Variants in CLEC16A observed in about 807,000 individuals in gnomAD.
CLEC16A encodes the protein protein CLEC16A.
CLEC16A carries 51 observed loss-of-function variants against 109.5 expected under a neutral mutation model. The observed-to-expected ratio is 0.47, with a 90% CI of 0.37 to 0.59. The LOEUF (loss-of-function observed/expected upper bound fraction) is 0.59, where lower values mean the gene tolerates loss of function less well. CLEC16A is among the 20% of genes least tolerant of loss of function. The pLI is 0.00. For synonymous variants in CLEC16A, 673 were observed against 564.2 expected, an observed-to-expected ratio of 1.19 and a Z score of -2.73; for missense variants, 1,339 against 1,394.0, an observed-to-expected ratio of 0.96 and a Z score of 0.63.
At chr16:10,970,336 C>G (rs2042719272) in intron 4 of CLEC16A, among the ~76,000 whole-genome samples, 2 of 152,236 alleles carry the variant, frequency 1.3e-5, no homozygotes, top group Admixed American at 1.3e-4. Flanking sequence ...TCTCACCAGC[C>G]TTCCCCTCAT....
At chr16:10,971,341 G>A in intron 5 of CLEC16A, 111 bp downstream of exon 5, 1 of 864,568 alleles carries the variant, frequency 1.2e-6, no homozygotes, top group Admixed American at 2.7e-5. Flanking sequence ...GCACATTGAT[G>A]ATGAGCCGTG....
intron 10 of CLEC16A, among the ~76,000 whole-genome samples, chr16:10,987,349 C>T (rs1216250540): frequency 6.6e-6 from 1 of 152,118 alleles, no homozygotes; most frequent in African/African-American, 2.4e-5. Context: ...AAGCAAACTG[C>T]GGGTTACTGG....
intron 22 of CLEC16A, among the ~76,000 whole-genome samples, chr16:11,139,962 A>T (rs2053746233): frequency 6.6e-6 from 1 of 152,248 alleles, no homozygotes; most frequent in African/African-American, 2.4e-5. Flanking sequence ...GTATAAAGTT[A>T]TTAGTCCTAC....
intron 10 of CLEC16A, among the ~76,000 whole-genome samples, chr16:10,988,453 A>G (rs1168858082): frequency 6.6e-6 from 1 of 152,142 alleles, no homozygotes; most frequent in Non-Finnish European, 1.5e-5. Flanking sequence ...CACCTGTGCC[A>G]TCATGGGGCT....
intron 7 of CLEC16A, among the ~76,000 whole-genome samples, chr16:10,974,903 AGAGAAT>A (rs1271797731): frequency 6.6e-6 from 1 of 152,266 alleles, no homozygotes; most frequent in Non-Finnish European, 1.5e-5. Context: ...GAAGGGGCAG[AGAGAAT>A]GGAAGAGTTC....
intron 3 of CLEC16A, among the ~76,000 whole-genome samples, chr16:10,968,444 G>A (rs1434055313): frequency 1.3e-5 from 2 of 152,224 alleles, no homozygotes; most frequent in Non-Finnish European, 2.9e-5. Flanking sequence ...TTGCTCTTCA[G>A]TTGACCCCAG....
In CLEC16A at chr16:11,169,280, G is replaced by GT. The variant is rs574141916; in HGVS notation, c.2806+2734dup. On this transcript the variant is annotated intron_variant, in intron 23 of 23. Transcript: ENST00000409790. Reference sequence around the variant, plus strand: ...CCAGTGGCTTCTTTGCCATTGATTTGTTTTTTGTTTTGTTTTGTTTTTTTG... The same window carrying GT: ...CCAGTGGCTTCTTTGCCATTGATTTGTTTTTTTGTTTTGTTTTGTTTTTTTG... 1.8e-4 allele frequency among the ~76,000 whole-genome samples: 28 copies of GT among 152,060 alleles called. 1 individual carries two copies. The South Asian group carries it at 5.2e-3, about 28-fold the overall frequency.
At chr16:11,166,340 A>T in intron 22 of CLEC16A, 48 bp from the exon 23 acceptor site, 1 of 1,539,646 alleles carries the variant, frequency 6.5e-7, no homozygotes, top group Non-Finnish European at 8.8e-7. Flanking sequence ...TGAGGCCCTC[A>T]GGCCTACTCT....
chr16:11,029,304 A>C (rs1003081822), intron 13 of CLEC16A, among the ~76,000 whole-genome samples: 4 of 152,140 alleles, frequency 2.6e-5, no homozygotes, highest in African/African-American at 9.7e-5. Flanking sequence ...CACAGGCTTC[A>C]TTCTGGCAGG....
intron 11 of CLEC16A, among the ~76,000 whole-genome samples, chr16:11,004,409 G>A (rs1038305678): frequency 2.0e-5 from 3 of 152,156 alleles, no homozygotes; most frequent in Non-Finnish European, 4.4e-5. Flanking sequence ...ACACTTTCTG[G>A]AATGAACTTG....
At chr16:10,966,727 C>T (rs1033804969) in intron 3 of CLEC16A, among the ~76,000 whole-genome samples, 1 of 152,194 alleles carries the variant, frequency 6.6e-6, no homozygotes, top group Non-Finnish European at 1.5e-5. Flanking sequence ...GGGGGAAGCC[C>T]CTTACAAAAC....
chr16:11,099,004 A>G (rs2050757624), intron 19 of CLEC16A, among the ~76,000 whole-genome samples: 1 of 152,240 alleles, frequency 6.6e-6, no homozygotes, highest in Non-Finnish European at 1.5e-5. Context: ...TTGCTCTGTG[A>G]CACGGAGAGA....
In CLEC16A at chr16:11,178,429, C is replaced by T. The variant is rs201142332; in HGVS notation, c.2901C>T (p.Asn967=). ...AAGCAGACTCTAAGCCCAGCAAGAA[C>T]GTGGCCAGGAGCGCAGCCGTGGAGA... is the stretch of plus-strand genomic sequence containing the variant. ...ETEADSKPSK[N]VARSAAVETA... is the part of the protein sequence containing the mutation. Residue 967 remains asparagine, a synonymous_variant, in exon 24 of 24, where the codon AAC becomes AAT. Transcript: ENST00000409790. The surrounding 1 kb of genome is among the most constrained non-coding windows in gnomAD (Gnocchi z 6.5). 2.7e-5 allele frequency: 43 copies of T among 1,613,596 alleles called. No individual in the cohort carries two copies. Among genetic ancestry groups the T allele is most frequent in the East Asian group, 2.4e-4 (11 of 44,898 alleles).
chr16:10,973,887 CTTTTTTTTTTTTTTTT>C (rs569414844), intron 7 of CLEC16A, among the ~76,000 whole-genome samples: 2 of 46,586 alleles, frequency 4.3e-5, no homozygotes, highest in South Asian at 1.1e-3. Context: ...GGGCTGCTTG[CTTTTTTTTTTTTTTTT>C]TTTTTTTTTT....
chr16:11,152,889 A>G (rs1597580302), intron 22 of CLEC16A, among the ~76,000 whole-genome samples: 1 of 152,160 alleles, frequency 6.6e-6, no homozygotes, highest in African/African-American at 2.4e-5. Flanking sequence ...GCCAGGGGTC[A>G]TTGAAAGGCT....
chr16:11,103,230 C>T (rs560416326), intron 19 of CLEC16A, among the ~76,000 whole-genome samples: 10 of 152,322 alleles, frequency 6.6e-5, no homozygotes, highest in African/African-American at 2.2e-4. Context: ...GGCCCAGTGG[C>T]GCTGCTCTCC....
chr16:11,019,176 A>C (rs748206405), intron 11 of CLEC16A, among the ~76,000 whole-genome samples: 1 of 152,150 alleles, frequency 6.6e-6, no homozygotes, highest in Non-Finnish European at 1.5e-5. Flanking sequence ...AAAAGATGTG[A>C]ACTCTGAGTT....
At chr16:11,064,442 CAG>C (rs1450223349) in intron 19 of CLEC16A, among the ~76,000 whole-genome samples, 1 of 152,214 alleles carries the variant, frequency 6.6e-6, no homozygotes, top group Non-Finnish European at 1.5e-5. Context: ...TAATCTTCCC[CAG>C]AGTCTTCATG....
Position 11,178,259 on chromosome 16 carries a change from G to A in CLEC16A, c.2807-76G>A, listed in dbSNP as rs2068837220. 7.3e-7 allele frequency: 1 copy of A among 1,360,550 alleles called. No individual in the cohort carries two copies. Among genetic ancestry groups the A allele is most frequent in the South Asian group, 1.3e-5 (1 of 76,086 alleles). The allele number at this position is 1,360,550 out of a possible 1,614,324, so 84.3% of individuals were successfully genotyped here. A position where few individuals can be genotyped will look rare whatever the true frequency, so the allele number is the denominator to read the frequency against. On this transcript the variant is annotated intron_variant, in intron 23 of 23. Coordinates refer to ENST00000409790, the MANE Select transcript of CLEC16A (RefSeq NM_015226.3). This position sits in a 1 kb window ranked among gnomAD's most constrained non-coding sequence, Gnocchi z 6.5. ...CTAGCTCACCAGGGCCGCGGTTCAG[G>A]ATGGGAGCACAGGGCGCAGTGCGAC... is the stretch of plus-strand genomic sequence containing the variant.
Sources: allele counts gnomAD v4.1 joint callset (sites outside exome capture counted in the v4.1 genomes callset), GRCh38; gene constraint gnomAD v4.1.1; non-coding constraint Gnocchi (gnomAD v3.1); transcripts MANE v1.5; gene names NCBI Gene and HGNC (gene_info 2026-07-23, HGNC 2026-07-21).